INAVA: variants seen among roughly 807,000 people sequenced by gnomAD.
The protein encoded by INAVA is innate immunity activator protein.
In INAVA, 32 loss-of-function variants were observed where a neutral mutation model predicts 55.3. That is an observed-to-expected ratio of 0.58 (90% CI 0.44 to 0.78). The LOEUF (loss-of-function observed/expected upper bound fraction) is 0.78. INAVA is among the 30% of genes least tolerant of loss of function. The pLI, the probability that INAVA is intolerant of heterozygous loss-of-function variation, is 0.00. For synonymous variants in INAVA, 294 were observed against 329.4 expected (o/e 0.89, Z 1.16); for missense variants, 756 against 786.4 (o/e 0.96, Z 0.46).
rs777009034 is a variant in INAVA at position 200,898,423 on chromosome 1, G to A, written c.23G>A (p.Ser8Asn). The A allele has an allele frequency of 4.5e-5, 73 of 1,613,934 alleles. No homozygotes were observed. Among genetic ancestry groups the A allele is most frequent in the Non-Finnish European group, 5.6e-5 (66 of 1,180,016 alleles). Reference sequence around the variant, plus strand: ...ACCATGGAGAGTAAGGATGAGGTCAGCGACACCGACAGTGGCATCATCCTG... The same window carrying A: ...ACCATGGAGAGTAAGGATGAGGTCAACGACACCGACAGTGGCATCATCCTG... MESKDEVSDTDSGIILQS... is the reference protein window; with the variant it reads MESKDEVNDTDSGIILQS... The change falls in exon 2 of 10, where the codon AGC becomes AAC. Residue 8 changes from serine (S) to asparagine (N), a missense_variant. Ser to Asn is a conservative substitution (Grantham distance 46). Coordinates refer to ENST00000413687, the MANE Select transcript of INAVA (RefSeq NM_001142569.3).
intron 1 of INAVA, among the ~76,000 whole-genome samples, chr1:200,896,083 A>G (rs982088506): frequency 6.6e-6 from 1 of 152,096 alleles, no homozygotes; most frequent in Non-Finnish European, 1.5e-5. Flanking sequence ...AGGCGTGCTA[A>G]GGTACCCCTC....
intron 2 of INAVA, 73 bp from the exon 3 acceptor site, chr1:200,899,400 G>A: frequency 6.3e-7 from 1 of 1,597,868 alleles, no homozygotes; most frequent in Non-Finnish European, 8.5e-7. Flanking sequence ...CATTCCCCTA[G>A]GGGTGGTCAA....
Position 200,909,362 on chromosome 1 carries a change from G to T in INAVA, c.924G>T (p.Glu308Asp). 6.2e-7 allele frequency: 1 copy of T among 1,608,772 alleles called. No homozygotes were observed. The highest frequency in any genetic ancestry group is 8.5e-7 in the Non-Finnish European group (1 of 1,177,066). ...QGRTSAPATPEIQGRRGQSQS... is the reference protein window; with the variant it reads ...QGRTSAPATPDIQGRRGQSQS... ...GCACCAGTGCCCCAGCCACCCCTGAGATACAGGGGAGGAGGGGCCAGTCGC... is the reference window on the plus strand; with the variant it reads ...GCACCAGTGCCCCAGCCACCCCTGATATACAGGGGAGGAGGGGCCAGTCGC... Residue 308 changes from glutamate (E) to aspartate (D), a missense_variant, in exon 8 of 10, where the codon GAG becomes GAT. Coordinates refer to ENST00000413687, the MANE Select transcript of INAVA (RefSeq NM_001142569.3).
Position 200,908,955 on chromosome 1 carries a change from G to A in INAVA, c.785+15G>A. ...AGCGAGTCCAGGTCAGGATCAGGGG[G>A]AAGGGAGAAGGGCAGGGCAGGGCAG... On this transcript the variant is annotated intron_variant, in intron 7 of 9. Transcript: ENST00000413687. The A allele has an allele frequency of 6.2e-7, 1 of 1,608,596 alleles. No individual in the cohort carries two copies. Among genetic ancestry groups the A allele is most frequent in the East Asian group, 2.2e-5 (1 of 44,760 alleles).
chr1:200,893,253 C>T (rs1668271709), upstream of INAVA, among the ~76,000 whole-genome samples: 1 of 152,160 alleles, frequency 6.6e-6, no homozygotes, highest in African/African-American at 2.4e-5. Context: ...CTAGACCCTG[C>T]TTAATGTTAA....
chr1:200,910,362 TA>T (rs1374603594), intron 8 of INAVA, among the ~76,000 whole-genome samples: 6 of 152,166 alleles, frequency 3.9e-5, no homozygotes, highest in Non-Finnish European at 1.5e-5. Flanking sequence ...AATCTGCAAA[TA>T]ATGAGAATTG....
Position 200,913,674 on chromosome 1 carries a change from G to A in INAVA, c.*45G>A. ...AAAAACTGTTTCATAGAGGGGCTGG[G>A]CTGAGACCCCCCCACCCCTGAGTGC... On this transcript the variant is annotated 3_prime_UTR_variant, in exon 10 of 10. Transcript: ENST00000413687. 7 of 1,510,478 alleles carry A rather than the reference G, an allele frequency of 4.6e-6. No individual in the cohort carries two copies. Among genetic ancestry groups the A allele is most frequent in the Non-Finnish European group, 6.4e-6 (7 of 1,090,854 alleles). 93.6% of individuals were successfully genotyped at this position (1,510,478 alleles called of 1,614,324 possible). A position where few individuals can be genotyped will look rare whatever the true frequency, so the allele number is the denominator to read the frequency against.
Position 200,898,188 on chromosome 1 carries a change from T to C in INAVA, c.-94-119T>C. 3.7e-6 allele frequency: 4 copies of C among 1,083,830 alleles called. No homozygotes were observed. The South Asian group carries it at 6.1e-5, about 17-fold the overall frequency. The allele number at this position is 1,083,830 out of a possible 1,614,324, so 67.1% of individuals were successfully genotyped here. ...CAGTGCCAGAATCTCCTGCCCCAGA[T>C]GGTTCCTGAAGCACAGTCCTCCCTT... is the stretch of plus-strand genomic sequence containing the variant. On this transcript the variant is annotated intron_variant, in intron 1 of 9. Coordinates refer to ENST00000413687, the MANE Select transcript of INAVA (RefSeq NM_001142569.3).
rs756147177 is a variant in INAVA, at chr1:200,901,045, C to A, written c.406C>A (p.Arg136=). The change falls in exon 5 of 10, where the codon CGG becomes AGG. Residue 136 remains arginine (R), a synonymous_variant. Coordinates refer to ENST00000413687, the MANE Select transcript of INAVA (RefSeq NM_001142569.3). ...CCTCAGCAGGCAGGCTCGGCGGCAGCGGAAGCACTCCATGCTGCAGGAGGA... is the reference window on the plus strand; with the variant it reads ...CCTCAGCAGGCAGGCTCGGCGGCAGAGGAAGCACTCCATGCTGCAGGAGGA... ...ENLSRQARRQ[R]KHSMLQEEKK... The A allele has an allele frequency of 1.9e-6, 3 of 1,546,748 alleles. 1 individual carries two copies. The South Asian group carries it at 3.6e-5, about 18-fold the overall frequency.
chr1:200,908,014 C>G, intron 6 of INAVA, 127 bp downstream of exon 6: 1 of 661,218 alleles, frequency 1.5e-6, no homozygotes, highest in South Asian at 2.0e-5. Flanking sequence ...TTAGGGTTTC[C>G]GCTTGGACTT....
At chr1:200,905,103 G>A (rs1653426928) in intron 5 of INAVA, among the ~76,000 whole-genome samples, 1 of 151,274 alleles carries the variant, frequency 6.6e-6, no homozygotes, top group African/African-American at 2.5e-5. Flanking sequence ...TTCAGTAAGA[G>A]GGGGTCTCTT....
At chr1:200,897,851 G>T (rs566090252) in intron 1 of INAVA, among the ~76,000 whole-genome samples, 68 of 152,210 alleles carry the variant, frequency 4.5e-4, no homozygotes, top group African/African-American at 1.6e-3. Context: ...TGAACTCCTG[G>T]GCTCAAGCTA....
chr1:200,891,576 G>C, upstream of INAVA: 1 of 1,595,188 alleles, frequency 6.3e-7, no homozygotes, highest in South Asian at 1.1e-5. Flanking sequence ...AAATACCTCC[G>C]GGGAGGGCAG....
rs1653774653 is a variant in INAVA, at chr1:200,912,100, G to C, written c.1607G>C (p.Arg536Thr). ...CGGGTCAGGAGCCTGCCCCTTGGGAGAGAGGGCTTCGGACGAGCCCTGGGA... is the reference window on the plus strand; with the variant it reads ...CGGGTCAGGAGCCTGCCCCTTGGGACAGAGGGCTTCGGACGAGCCCTGGGA... ...AFRVRSLPLG[R>T]EGFGRALGPR... Residue 536 changes from arginine to threonine, a missense_variant, in exon 9 of 10, where the codon AGA becomes ACA. Arg to Thr is a moderately conservative substitution (Grantham distance 71). Around this residue, in one of 2 missense-constraint regions of INAVA, gnomAD observed 117 missense variants for 162.1 expected, o/e 0.72. Coordinates refer to ENST00000413687, the MANE Select transcript of INAVA (RefSeq NM_001142569.3). The C allele has an allele frequency of 6.5e-7, 1 of 1,549,432 alleles. No homozygotes were observed. The highest frequency in any genetic ancestry group is 1.2e-5 in the South Asian group (1 of 84,046).
rs1653865777 is a variant in INAVA, at chr1:200,914,382, A to G, written c.*753A>G. 6.6e-6 allele frequency: 1 copy of G among 152,310 alleles called. No homozygotes were observed. Among genetic ancestry groups the G allele is most frequent in the African/African-American group, 2.4e-5 (1 of 41,456 alleles). The allele number at this position is 152,310 out of a possible 1,614,324, so 9.4% of individuals were successfully genotyped here. ...TGGGGGCTGGTCCATGCTTGTGGTT[A>G]GTGGACAGCAGCCACCCTTTGACAG... On this transcript the variant is annotated 3_prime_UTR_variant, in exon 10 of 10. Transcript: ENST00000413687.
rs760008725 is a variant in INAVA, at chr1:200,898,344, G to C, written c.-57G>C. On this transcript the variant is annotated 5_prime_UTR_variant, in exon 2 of 10. Coordinates refer to ENST00000413687, the MANE Select transcript of INAVA (RefSeq NM_001142569.3). Reference sequence around the variant, plus strand: ...CAGGCTACCTACACAACCTGGCCCAGGCTGGTCACGGTGTCCCCCCTCCCT... The same window carrying C: ...CAGGCTACCTACACAACCTGGCCCACGCTGGTCACGGTGTCCCCCCTCCCT... 6.2e-7 allele frequency: 1 copy of C among 1,614,044 alleles called. No homozygotes were observed.
chr1:200,913,389 G>T (rs1029680288), intron 9 of INAVA, 148 bp from the exon 10 acceptor site: 7 of 637,936 alleles, frequency 1.1e-5, no homozygotes, highest in Middle Eastern at 5.0e-4. Flanking sequence ...CATCCTGGGA[G>T]GAAGGGGCTG....
Position 200,900,971 on chromosome 1 carries a change from T to C in INAVA, c.332T>C (p.Leu111Pro), listed in dbSNP as rs770452015. ...AGCAGCCTGGAGCGCCAGCTGGCCC[T>C]GCAGCTGCAGATCACAGAGGCAGCC... The part of the protein sequence containing the change: ...PLSSLERQLA[L>P]QLQITEAARR... Residue 111 changes from leucine (L) to proline (P), a missense_variant, in exon 5 of 10, where the codon CTG becomes CCG. Leu to Pro is a moderately conservative substitution (Grantham distance 98). Around this residue, in one of 2 missense-constraint regions of INAVA, gnomAD observed 639 missense variants for 624.3 expected, o/e 1.02. Transcript: ENST00000413687. 2 of 1,555,838 alleles carry C rather than the reference T, an allele frequency of 1.3e-6. No homozygotes were observed. Among genetic ancestry groups the C allele is most frequent in the South Asian group, 1.2e-5 (1 of 84,400 alleles).
At chr1:200,911,430 A>C in intron 8 of INAVA, 23 bp from the exon 9 acceptor site, 1 of 1,594,150 alleles carries the variant, frequency 6.3e-7, no homozygotes, top group Non-Finnish European at 8.6e-7. Context: ...CCACACTCAG[A>C]ATGCCTCTCT....
Sources: allele counts gnomAD v4.1 joint callset (sites outside exome capture counted in the v4.1 genomes callset), GRCh38; gene constraint gnomAD v4.1.1; regional missense constraint gnomAD v4.1.1; transcripts MANE v1.5; gene names NCBI Gene and HGNC (gene_info 2026-07-23, HGNC 2026-07-21).